EPB41L4A: variants seen among roughly 807,000 people sequenced by gnomAD.
EPB41L4A encodes erythrocyte membrane protein band 4.1 like 4A.
In EPB41L4A, 100 loss-of-function variants were observed where a neutral mutation model predicts 108.6. The observed-to-expected ratio is 0.92, with a 90% confidence interval of 0.78 to 1.09. EPB41L4A has a LOEUF of 1.09. Ranked by LOEUF, EPB41L4A falls within the 50% of genes least tolerant of loss-of-function variation. The probability of loss-of-function intolerance (pLI) is 0.00; values close to 1 mark genes in which losing one functional copy is unlikely to be tolerated. For missense variants in EPB41L4A, 1,030 were observed against 842.7 expected (o/e 1.22, Z -2.75); for synonymous variants, 319 against 289.0 (o/e 1.10, Z -1.05).
intron 1 of EPB41L4A, among the ~76,000 whole-genome samples, chr5:112,383,766 C>G (rs1760316782): frequency 6.6e-6 from 1 of 151,788 alleles, no homozygotes; most frequent in Non-Finnish European, 1.5e-5. Flanking sequence ...TGAAATAAAT[C>G]CAATATATAA....
intron 11 of EPB41L4A, among the ~76,000 whole-genome samples, chr5:112,236,084 A>C (rs1580495438): frequency 6.6e-6 from 1 of 152,338 alleles, no homozygotes; most frequent in Non-Finnish European, 1.5e-5. Context: ...TCACAGAGGA[A>C]AAAATGTTCC....
At chr5:112,326,556 T>G (rs1000918659) in intron 1 of EPB41L4A, among the ~76,000 whole-genome samples, 22 of 152,232 alleles carry the variant, frequency 1.4e-4, no homozygotes, top group African/African-American at 2.4e-5. Flanking sequence ...AATGGGCTTT[T>G]GTCTTTGTAA....
At chr5:112,247,029 T>C (rs1750288288) in intron 9 of EPB41L4A, among the ~76,000 whole-genome samples, 1 of 152,228 alleles carries the variant, frequency 6.6e-6, no homozygotes, top group Non-Finnish European at 1.5e-5. Context: ...CAATGTGTAG[T>C]AGGCTAGACC....
intron 1 of EPB41L4A, among the ~76,000 whole-genome samples, chr5:112,387,432 C>G (rs1760632670): frequency 2.0e-5 from 3 of 152,126 alleles, no homozygotes; most frequent in Admixed American, 6.5e-5. Flanking sequence ...CGACACCATC[C>G]CGGCTAACAC....
chr5:112,379,363 G>T (rs1760024859), intron 1 of EPB41L4A, among the ~76,000 whole-genome samples: 1 of 152,076 alleles, frequency 6.6e-6, no homozygotes, highest in Non-Finnish European at 1.5e-5. Flanking sequence ...CCACAACAAA[G>T]CCTGAGTATA....
At chr5:112,392,401 CAAAAAAAAAAAA>C (rs56256606) in intron 1 of EPB41L4A, among the ~76,000 whole-genome samples, 15 of 35,922 alleles carry the variant, frequency 4.2e-4, no homozygotes, top group African/African-American at 1.7e-3. Flanking sequence ...AAATGGAAAG[CAAAAAAAAAAAA>C]AAAAAAAAAA....
intron 9 of EPB41L4A, among the ~76,000 whole-genome samples, chr5:112,254,763 C>T (rs1386058568): frequency 6.6e-6 from 1 of 151,928 alleles, no homozygotes; most frequent in Admixed American, 6.6e-5. Flanking sequence ...TCAGTCACCC[C>T]CCAGTAATGC....
At chr5:112,234,054 C>G (rs1476302386) in intron 12 of EPB41L4A, among the ~76,000 whole-genome samples, 1 of 151,762 alleles carries the variant, frequency 6.6e-6, no homozygotes, top group African/African-American at 2.4e-5. Flanking sequence ...CATGGTGGTT[C>G]ATGCCTGTAA....
At chr5:112,202,477 T>A (rs568856400) in intron 15 of EPB41L4A, among the ~76,000 whole-genome samples, 2 of 152,212 alleles carry the variant, frequency 1.3e-5, no homozygotes, top group African/African-American at 4.8e-5. Flanking sequence ...AATCACATCA[T>A]GCCTGAATAC....
rs879061919 is a variant in EPB41L4A at position 112,264,759 on chromosome 5, G to A, written c.554+137C>T. ...GATGAGCATTTTAGAGTTAAAATCAGTTAAACTATACAAAGAGGAGTATTA... is the reference window on the plus strand; with the variant it reads ...GATGAGCATTTTAGAGTTAAAATCAATTAAACTATACAAAGAGGAGTATTA... On this transcript the variant is annotated intron_variant, in intron 6 of 22. Transcript: ENST00000261486. 23 of 769,226 alleles carry A rather than the reference G, an allele frequency of 3.0e-5. 1 individual carries two copies. In the South Asian group the frequency reaches 6.0e-4, roughly 20 times the overall value. The allele number at this position is 769,226 out of a possible 1,614,324, so 47.7% of individuals were successfully genotyped here.
intron 3 of EPB41L4A, among the ~76,000 whole-genome samples, chr5:112,276,364 C>T (rs898322542): frequency 2.0e-5 from 3 of 152,020 alleles, no homozygotes; most frequent in African/African-American, 7.3e-5. Flanking sequence ...AGACACAAAC[C>T]CCTTGGGTGC....
At chr5:112,348,301 A>G (rs1014697953) in intron 1 of EPB41L4A, among the ~76,000 whole-genome samples, 4 of 152,212 alleles carry the variant, frequency 2.6e-5, no homozygotes, top group African/African-American at 9.6e-5. Flanking sequence ...TATGCAGTAT[A>G]TATGATTTTT....
intron 11 of EPB41L4A, among the ~76,000 whole-genome samples, chr5:112,236,905 G>C (rs1749378478): frequency 6.6e-6 from 1 of 152,220 alleles, no homozygotes; most frequent in African/African-American, 2.4e-5. Context: ...AGCTGCACAT[G>C]TGAAAGCAAC....
intron 1 of EPB41L4A, among the ~76,000 whole-genome samples, chr5:112,409,219 A>G (rs1246920568): frequency 6.6e-6 from 1 of 152,236 alleles, no homozygotes; most frequent in Non-Finnish European, 1.5e-5. Context: ...CAAGTGAAGG[A>G]AAACAGTCAC....
chr5:112,161,300 GTT>G (rs1180209496), downstream of EPB41L4A: 4 of 352,380 alleles, frequency 1.1e-5, no homozygotes, highest in African/African-American at 8.6e-5. Context: ...CTACAGGTGA[GTT>G]TTCACGTTCG....
In EPB41L4A at chr5:112,419,107, C is replaced by T. The variant is rs957981502; in HGVS notation, c.-68G>A. On this transcript the variant is annotated 5_prime_UTR_variant, in exon 1 of 23. The change abolishes the stop of an existing upstream ORF in the 5' untranslated region. Transcript: ENST00000261486. ...GAGGCGCCCAGCCGCCCCCTCCACT[C>T]AAGCGCGATGCATTAATTTATTGTC... is the stretch of plus-strand genomic sequence containing the variant. 96 of 1,168,672 alleles carry T rather than the reference C, an allele frequency of 8.2e-5. No homozygotes were observed. The highest frequency in any genetic ancestry group is 1.2e-4 in the Non-Finnish European group (90 of 779,382). 72.4% of individuals were successfully genotyped at this position (1,168,672 alleles called of 1,614,324 possible).
At chr5:112,156,369 C>T in intron 12 of EPB41L4A, among the ~76,000 whole-genome samples, 1 of 152,080 alleles carries the variant, frequency 6.6e-6, no homozygotes, top group Non-Finnish European at 1.5e-5. Flanking sequence ...CCCAAGAAGG[C>T]CAGTGGTATA....
intron 12 of EPB41L4A, chr5:112,228,633 G>T: frequency 1.1e-6 from 1 of 887,878 alleles, no homozygotes; most frequent in Non-Finnish European, 1.3e-6. Context: ...AGCTAATTAT[G>T]AATTATATCC....
chr5:112,378,663 T>C (rs1759974591), intron 1 of EPB41L4A, among the ~76,000 whole-genome samples: 1 of 152,208 alleles, frequency 6.6e-6, no homozygotes, highest in East Asian at 1.9e-4. Context: ...GAAGTCATCC[T>C]TATTCCCTCA....
Sources: gnomAD v4.1 joint callset for allele counts (sites outside exome capture counted in the v4.1 genomes callset) on GRCh38, gnomAD v4.1.1 for gene constraint, MANE v1.5 for transcripts, NCBI Gene and HGNC (gene_info 2026-07-23, HGNC 2026-07-21) for gene names.